ODR4: variants seen among roughly 807,000 people sequenced by gnomAD.
ODR4 encodes odr-4 GPCR localization factor homolog.
In ODR4, 47 loss-of-function variants were observed where a neutral mutation model predicts 60.2. The observed-to-expected ratio is 0.78, with a 90% CI of 0.62 to 1.00. The LOEUF is 1.00. Among genes scored for constraint, ODR4 ranks in the 50% least tolerant of loss-of-function variants. ODR4 has a pLI of 0.00. For synonymous variants in ODR4, 178 were observed against 175.5 expected, an observed-to-expected ratio of 1.01 and a Z score of -0.11; for missense variants, 488 against 530.8, an observed-to-expected ratio of 0.92 and a Z score of 0.79.
At chr1:186,376,513 T>A (rs1047434421) in intron 1 of ODR4, among the ~76,000 whole-genome samples, 12 of 152,216 alleles carry the variant, frequency 7.9e-5, no homozygotes, top group Non-Finnish European at 1.8e-4. Flanking sequence ...GTGGGCCTTC[T>A]GTGAATTGGT....
chr1:186,398,889 G>T, intron 10 of ODR4, 65 bp from the exon 11 acceptor site: 1 of 1,192,158 alleles, frequency 8.4e-7, no homozygotes, highest in Non-Finnish European at 1.2e-6. Context: ...TTTTTTGTTA[G>T]TTAAATATTG....
At chr1:186,418,967 C>T in intron 13 of ODR4, 42 bp from the exon 14 acceptor site, 1 of 1,553,498 alleles carries the variant, frequency 6.4e-7, no homozygotes, top group Non-Finnish European at 8.8e-7. Flanking sequence ...CTTTCTTTTG[C>T]TCATTCCATT....
At chr1:186,396,845 A>G (rs1660701353) in intron 9 of ODR4, among the ~76,000 whole-genome samples, 1 of 152,116 alleles carries the variant, frequency 6.6e-6, no homozygotes, top group Non-Finnish European at 1.5e-5. Context: ...TATATGTTAA[A>G]TATGTAAAAT....
Position 186,413,006 on chromosome 1 carries a change from G to A in ODR4, c.1187-4538G>A, listed in dbSNP as rs540393712. On this transcript the variant is annotated intron_variant, in intron 12 of 13. Transcript: ENST00000287859. ...CATATAAAATAAACCATAAGAAAGT[G>A]GAGCTCAAATGTTCAAATTCAAAAA... 2.6e-5 allele frequency among the ~76,000 whole-genome samples: 4 copies of A among 152,102 alleles called. No homozygotes were observed. The South Asian group carries it at 8.3e-4, about 32-fold the overall frequency.
chr1:186,431,171 T>C, the ODR4 span, among the ~76,000 whole-genome samples: 1 of 152,060 alleles, frequency 6.6e-6, no homozygotes. Context: ...GGTGTGCTGG[T>C]GAAAAGTTGA....
At chr1:186,382,942 G>T (rs1415004726) in intron 2 of ODR4, 80 bp from the exon 3 acceptor site, 1 of 1,403,222 alleles carries the variant, frequency 7.1e-7, no homozygotes, top group Non-Finnish European at 9.5e-7. Flanking sequence ...TGTCATAAAA[G>T]CTAAGGAATT....
chr1:186,417,738 TTC>T, intron 13 of ODR4, 84 bp downstream of exon 13: 1 of 765,898 alleles, frequency 1.3e-6, no homozygotes, highest in South Asian at 1.6e-5. Flanking sequence ...TGTATTTCAT[TTC>T]TCTTTCTTAA....
At chr1:186,409,548 T>C (rs1057413112) in intron 12 of ODR4, among the ~76,000 whole-genome samples, 1 of 152,216 alleles carries the variant, frequency 6.6e-6, no homozygotes, top group Non-Finnish European at 1.5e-5. Context: ...AGTAGATTTT[T>C]GTTTGTTTGT....
At chr1:186,389,221 CAATA>C (rs1309726879) in intron 5 of ODR4, among the ~76,000 whole-genome samples, 1 of 151,600 alleles carries the variant, frequency 6.6e-6, no homozygotes, top group East Asian at 1.9e-4. Flanking sequence ...CCCTTTAATC[CAATA>C]AATAGTCTCA....
At chr1:186,380,020 AAG>A (rs1337428183) in intron 2 of ODR4, 136 bp downstream of exon 2, 1 of 538,606 alleles carries the variant, frequency 1.9e-6, no homozygotes, top group Non-Finnish European at 3.0e-6. Flanking sequence ...AGAAATGTGG[AAG>A]AAGTAACTTT....
At chr1:186,400,938 C>A in intron 11 of ODR4, 1 of 1,121,106 alleles carries the variant, frequency 8.9e-7, no homozygotes, top group Admixed American at 2.2e-5. Context: ...TTTGTTTTTG[C>A]AATTTGACTT....
the ODR4 span, among the ~76,000 whole-genome samples, chr1:186,428,793 G>C: frequency 1.3e-5 from 2 of 152,198 alleles, no homozygotes; most frequent in Middle Eastern, 3.4e-3. Context: ...CAGAGAATAG[G>C]GATAGGGAGA....
intron 7 of ODR4, among the ~76,000 whole-genome samples, chr1:186,391,406 A>T (rs1660464348): frequency 6.8e-6 from 1 of 146,398 alleles, no homozygotes. Context: ...TTTTTAAGGT[A>T]GTGGGCATTA....
At chr1:186,404,987 A>G (rs1032571436) in intron 11 of ODR4, among the ~76,000 whole-genome samples, 67 of 152,234 alleles carry the variant, frequency 4.4e-4, no homozygotes, top group African/African-American at 1.6e-3. Context: ...TACATGCAAC[A>G]GTGACTATGT....
chr1:186,414,755 C>T (rs1313541968), intron 12 of ODR4, among the ~76,000 whole-genome samples: 2 of 152,032 alleles, frequency 1.3e-5, no homozygotes, highest in African/African-American at 2.4e-5. Flanking sequence ...CTCCTGACCT[C>T]GTGACCTGCC....
intron 6 of ODR4, 35 bp downstream of exon 6, chr1:186,389,659 C>T (rs1399789351): frequency 1.4e-6 from 2 of 1,387,924 alleles, no homozygotes; most frequent in Admixed American, 2.5e-5. Context: ...TTTTCTGTGT[C>T]ACAAAGTATT....
At chr1:186,433,262 G>A in the ODR4 span, among the ~76,000 whole-genome samples, 3 of 151,578 alleles carry the variant, frequency 2.0e-5, no homozygotes, top group Non-Finnish European at 4.4e-5. Context: ...TGTAATTTAT[G>A]TTTTTAATAG....
intron 11 of ODR4, among the ~76,000 whole-genome samples, chr1:186,399,946 A>T (rs1018934891): frequency 6.7e-6 from 1 of 148,406 alleles, no homozygotes; most frequent in African/African-American, 2.5e-5. Context: ...TATTGAGTAC[A>T]CTTTTTAAAG....
At chr1:186,392,135 C>T (rs965913471) in intron 8 of ODR4, among the ~76,000 whole-genome samples, 5 of 152,076 alleles carry the variant, frequency 3.3e-5, no homozygotes, top group Non-Finnish European at 7.4e-5. Context: ...CAAAAAATAA[C>T]AGATGCTGGC....
Sources: gnomAD v4.1 joint callset for allele counts (sites outside exome capture counted in the v4.1 genomes callset) on GRCh38, gnomAD v4.1.1 for gene constraint, MANE v1.5 for transcripts, NCBI Gene and HGNC (gene_info 2026-07-23, HGNC 2026-07-21) for gene names.